The following TRAF1 variants were observed in gnomAD, a reference collection of about 807,000 sequenced individuals.
TRAF1 encodes TNF receptor-associated factor 1.
In TRAF1, 23 loss-of-function variants were observed where a neutral mutation model predicts 40.9. That is an observed-to-expected ratio of 0.56 (90% CI 0.40 to 0.80). The LOEUF (loss-of-function observed/expected upper bound fraction) is 0.80. Ranked by LOEUF, TRAF1 falls within the 30% of genes least tolerant of loss-of-function variation. The pLI is 0.00. For missense variants in TRAF1, 477 were observed against 528.7 expected (o/e 0.90, Z 0.96); for synonymous variants, 206 against 218.8 (o/e 0.94, Z 0.52).
chr9:120,903,038 A>G lies in TRAF1; in HGVS notation c.*1982T>C, dbSNP rs191396802. On this transcript the variant is annotated 3_prime_UTR_variant, in exon 8 of 8. Coordinates refer to ENST00000373887, the MANE Select transcript of TRAF1 (RefSeq NM_005658.5). ...GTTCTACAAATCCCCCCTTGGGCTC[A>G]ACACTCGGTGAGTAGGGATCAAGAG... 2 of 152,314 alleles carry G rather than the reference A, an allele frequency of 1.3e-5. No individual in the cohort carries two copies. The highest frequency in any genetic ancestry group is 1.3e-4 in the Admixed American group (2 of 15,288). 9.4% of individuals were successfully genotyped at this position (152,314 alleles called of 1,614,324 possible).
In TRAF1 at chr9:120,913,367, G is replaced by A. The variant is rs2046543247; in HGVS notation, c.666C>T (p.Ser222=). The A allele has an allele frequency of 3.7e-6, 6 of 1,613,728 alleles. No homozygotes were observed. Among genetic ancestry groups the A allele is most frequent in the Non-Finnish European group, 5.1e-6 (6 of 1,179,900 alleles). Residue 222 remains serine, a synonymous_variant, in exon 5 of 8, where the codon AGC becomes AGT. Transcript: ENST00000373887. The part of the protein sequence containing the change: ...HLALATSIHQ[S]QLDRERILSL... Reference sequence around the variant, plus strand: ...TCAGGATGCGCTCACGGTCCAGCTGGCTCTGGTGGATAGAGGTGGCCAGGG... The same window carrying A: ...TCAGGATGCGCTCACGGTCCAGCTGACTCTGGTGGATAGAGGTGGCCAGGG...
At chr9:120,909,714 A>G (rs2131621019) in intron 6 of TRAF1, among the ~76,000 whole-genome samples, 1 of 152,346 alleles carries the variant, frequency 6.6e-6, no homozygotes, top group African/African-American at 2.4e-5. Context: ...CACTCTGAGA[A>G]CCACTGATCT....
chr9:120,914,143 T>G, intron 4 of TRAF1, 92 bp downstream of exon 4: 3 of 1,131,370 alleles, frequency 2.7e-6, no homozygotes, highest in South Asian at 2.6e-5. Flanking sequence ...TGGACTGATG[T>G]TACGGGAAAA....
At chr9:120,911,188 C>A in intron 6 of TRAF1, 148 bp downstream of exon 6, 1 of 902,576 alleles carries the variant, frequency 1.1e-6, no homozygotes, top group African/African-American at 1.7e-5. Flanking sequence ...CAGCATGGTT[C>A]CTGCCCATGG....
At chr9:120,906,491 T>A (rs943724783) in intron 7 of TRAF1, among the ~76,000 whole-genome samples, 1 of 152,180 alleles carries the variant, frequency 6.6e-6, no homozygotes, top group African/African-American at 2.4e-5. Context: ...GAATTTTTAA[T>A]AGATTGTATT....
rs1334855327 is a variant in TRAF1, at chr9:120,914,289, C to T, written c.240G>A (p.Glu80=). 1.3e-6 allele frequency: 2 copies of T among 1,529,298 alleles called. No homozygotes were observed. The highest frequency in any genetic ancestry group is 1.9e-5 in the Admixed American group (1 of 53,470). 94.7% of individuals were successfully genotyped at this position (1,529,298 alleles called of 1,614,324 possible). A position where few individuals can be genotyped will look rare whatever the true frequency, so the allele number is the denominator to read the frequency against. Residue 80 remains glutamate, a synonymous_variant, in exon 4 of 8, where the codon GAG becomes GAA. Coordinates refer to ENST00000373887, the MANE Select transcript of TRAF1 (RefSeq NM_005658.5). ...RLRTQEKAHP[E]VAEAGIGCPF... ...GGCACCCAATTCCAGCCTCAGCCAC[C>T]TCGGGGTGAGCCTGGAAATAATAAT...
intron 3 of TRAF1, among the ~76,000 whole-genome samples, chr9:120,918,622 A>G (rs184593620): frequency 1.3e-5 from 2 of 152,294 alleles, no homozygotes; most frequent in African/African-American, 4.8e-5. Flanking sequence ...GATTTCCTCA[A>G]GGTGGTGAGG....
Position 120,902,702 on chromosome 9 carries a change from A to C in TRAF1, c.*2318T>G, listed in dbSNP as rs1370764008. ...CACAATATTCTCAGGCTGAGCTTAA[A>C]GGCCTGAAGCCTTCCCTCCTTCACC... On this transcript the variant is annotated 3_prime_UTR_variant, in exon 8 of 8. Coordinates refer to ENST00000373887, the MANE Select transcript of TRAF1 (RefSeq NM_005658.5). 1 of 152,218 alleles carries C rather than the reference A, an allele frequency of 6.6e-6. No individual in the cohort carries two copies. The allele number at this position is 152,218 out of a possible 1,614,324, so 9.4% of individuals were successfully genotyped here.
chr9:120,921,430 C>T (rs1272918345), intron 3 of TRAF1, among the ~76,000 whole-genome samples: 3 of 151,978 alleles, frequency 2.0e-5, no homozygotes, highest in African/African-American at 7.3e-5. Flanking sequence ...ATTAAAATAT[C>T]TATGTGATCT....
chr9:120,906,283 G>A (rs192600418), intron 7 of TRAF1, among the ~76,000 whole-genome samples: 3 of 150,312 alleles, frequency 2.0e-5, no homozygotes, highest in African/African-American at 4.9e-5. Flanking sequence ...GGGTTCAAGC[G>A]ATTCTCCTGA....
chr9:120,909,363 T>C lies in TRAF1; in HGVS notation c.899A>G (p.Lys300Arg). The change falls in exon 7 of 8, where the codon AAG becomes AGG. Residue 300 changes from lysine to arginine, a missense_variant. Physicochemically the swap from Lys to Arg is conservative, Grantham distance 26 (BLOSUM62 2). Transcript: ENST00000373887. ...SLFSPAFYTA[K>R]YGYKLCLRLY... ...CCGCAGGCACAACTTGTAGCCATAC[T>C]TGGCAGTGTAGAAGGCTGAAACGCA... is the stretch of plus-strand genomic sequence containing the variant. The C allele has an allele frequency of 3.7e-6, 6 of 1,614,056 alleles. No individual in the cohort carries two copies. The highest frequency in any genetic ancestry group is 1.3e-5 in the African/African-American group (1 of 75,056).
upstream of TRAF1, chr9:120,928,772 G>C (rs2046656766): frequency 6.6e-6 from 1 of 152,286 alleles, no homozygotes; most frequent in Non-Finnish European, 1.5e-5. Flanking sequence ...CCCGCCGCCC[G>C]GCTCTGCAGG....
In TRAF1 at chr9:120,903,788, G is replaced by A. The variant is rs1353336285; in HGVS notation, c.*1232C>T. Reference sequence around the variant, plus strand: ...GAGAAGCCAGGGAGGGAGGCAAGCTGGGGTGGGTCTCATTATAGAAAAGAG... The same window carrying A: ...GAGAAGCCAGGGAGGGAGGCAAGCTAGGGTGGGTCTCATTATAGAAAAGAG... On this transcript the variant is annotated 3_prime_UTR_variant, in exon 8 of 8. Transcript: ENST00000373887. The A allele has an allele frequency of 1.3e-5, 2 of 152,170 alleles. No individual in the cohort carries two copies. Among genetic ancestry groups the A allele is most frequent in the Non-Finnish European group, 2.9e-5 (2 of 68,058 alleles). The allele number at this position is 152,170 out of a possible 1,614,324, so 9.4% of individuals were successfully genotyped here.
At chr9:120,915,384 A>G (rs1462065985) in intron 3 of TRAF1, among the ~76,000 whole-genome samples, 1 of 152,246 alleles carries the variant, frequency 6.6e-6, no homozygotes, top group Non-Finnish European at 1.5e-5. Context: ...GAAAAGGTAC[A>G]GTAAGAATAC....
At chr9:120,928,079 A>G (rs1564123236), upstream of TRAF1, 1 of 152,226 alleles carries the variant, frequency 6.6e-6, no homozygotes, top group Non-Finnish European at 1.5e-5. Flanking sequence ...ACGTAATTTT[A>G]CAGACATCAT....
chr9:120,906,025 C>G (rs12380592), intron 7 of TRAF1, among the ~76,000 whole-genome samples: 9,218 of 152,170 alleles, frequency 0.061, 815 homozygotes, highest in African/African-American at 0.2. Context: ...TACTGACTCA[C>G]ATCCAGACCA....
intron 3 of TRAF1, among the ~76,000 whole-genome samples, chr9:120,915,863 G>C (rs891136952): frequency 4.6e-5 from 7 of 151,748 alleles, no homozygotes; most frequent in Non-Finnish European, 7.4e-5. Flanking sequence ...ATAATGAACA[G>C]ATACAATCTA....
intron 3 of TRAF1, among the ~76,000 whole-genome samples, chr9:120,918,205 G>A (rs2046581589): frequency 6.6e-6 from 1 of 152,090 alleles, no homozygotes; most frequent in African/African-American, 2.4e-5. Flanking sequence ...TGGCAGCCCT[G>A]GCAAATGCAT....
At position 120,926,313 on chromosome 9, in the gene TRAF1, TC is replaced by T; in HGVS notation, c.-226-13del. 2.6e-6 allele frequency: 1 copy of T among 378,602 alleles called. No individual in the cohort carries two copies. Among genetic ancestry groups the T allele is most frequent in the Non-Finnish European group, 4.6e-6 (1 of 217,252 alleles). The allele number at this position is 378,602 out of a possible 1,614,324, so 23.5% of individuals were successfully genotyped here. A position where few individuals can be genotyped will look rare whatever the true frequency, so the allele number is the denominator to read the frequency against. On this transcript the variant is annotated splice_polypyrimidine_tract_variant and intron_variant, in intron 1 of 7. Coordinates refer to ENST00000373887, the MANE Select transcript of TRAF1 (RefSeq NM_005658.5). ...ATGGTGACTGAAGGCTTTAGGAGTGTCCAGTCATTTTTTTTTTTTTTTAGAG... is the reference window on the plus strand; with the variant it reads ...ATGGTGACTGAAGGCTTTAGGAGTGTCAGTCATTTTTTTTTTTTTTTAGAG...
Sources: allele counts gnomAD v4.1 joint callset (sites outside exome capture counted in the v4.1 genomes callset), GRCh38; gene constraint gnomAD v4.1.1; transcripts MANE v1.5; gene names NCBI Gene and HGNC (gene_info 2026-07-23, HGNC 2026-07-21).